Variants in EGFLAM observed in about 807,000 individuals in gnomAD.
The protein encoded by EGFLAM is pikachurin.
In EGFLAM, 79 loss-of-function variants were observed where a neutral mutation model predicts 113.1. That is an observed-to-expected ratio of 0.70 (90% CI 0.58 to 0.84). The LOEUF (loss-of-function observed/expected upper bound fraction) is 0.84, where lower values mean the gene tolerates loss of function less well. Ranked by LOEUF, EGFLAM falls within the 40% of genes least tolerant of loss-of-function variation. The pLI, the probability that EGFLAM is intolerant of heterozygous loss-of-function variation, is 0.00. For synonymous variants in EGFLAM, 504 were observed against 487.6 expected, an observed-to-expected ratio of 1.03 and a Z score of -0.44; for missense variants, 1,265 against 1,291.6, an observed-to-expected ratio of 0.98 and a Z score of 0.32.
intron 6 of EGFLAM, among the ~76,000 whole-genome samples, chr5:38,387,757 TG>T (rs1740702750): frequency 1.3e-5 from 2 of 152,386 alleles, no homozygotes; most frequent in South Asian, 4.1e-4. Flanking sequence ...TACTCTTGCT[TG>T]TATTTATTTC....
rs765193662 is a variant in EGFLAM at position 38,407,055 on chromosome 5, C to T, written c.1056C>T (p.Cys352=). 2.5e-6 allele frequency: 4 copies of T among 1,614,184 alleles called. No individual in the cohort carries two copies. The East Asian group carries it at 6.7e-5, about 27-fold the overall frequency. ...LFDMPCDETL[C]SADSFCVNDY... is the part of the protein sequence containing the mutation. ...ACATGCCTTGTGATGAAACTCTCTG[C>T]TCTGCTGACAGCTTCTGTGTCAATG... The change falls in exon 8 of 22, where the codon TGC becomes TGT. Residue 352 remains cysteine, a synonymous_variant. Transcript: ENST00000322350.
chr5:38,461,431 C>T (rs968677616), intron 20 of EGFLAM: 1 of 152,006 alleles, frequency 6.6e-6, no homozygotes, highest in Non-Finnish European at 1.5e-5. Flanking sequence ...GGTATATCTT[C>T]ATTTTAGATA....
At position 38,406,866 on chromosome 5, in the gene EGFLAM, A is replaced by G; in HGVS notation, c.867A>G (p.Lys289=). 2 of 1,614,062 alleles carry G rather than the reference A, an allele frequency of 1.2e-6. No individual in the cohort carries two copies. The highest frequency in any genetic ancestry group is 2.2e-5 in the South Asian group (2 of 91,080). ...PLPATKGGNK[K]FLVESKKMSI... The stretch of plus-strand genomic sequence containing the variant: ...CTGCTACCAAAGGAGGGAATAAGAA[A>G]TTTTTGGTGGAAAGCAAGAAGATGT... Residue 289 remains lysine (K), a synonymous_variant, in exon 8 of 22, where the codon AAA becomes AAG. Transcript: ENST00000322350.
At chr5:38,274,208 G>A (rs1466925860) in intron 1 of EGFLAM, among the ~76,000 whole-genome samples, 1 of 152,120 alleles carries the variant, frequency 6.6e-6, no homozygotes, top group African/African-American at 2.4e-5. Flanking sequence ...TTATGGGATA[G>A]CGTCGAAACA....
chr5:38,295,378 C>T (rs1208718376), intron 1 of EGFLAM, among the ~76,000 whole-genome samples: 1 of 152,040 alleles, frequency 6.6e-6, no homozygotes, highest in Non-Finnish European at 1.5e-5. Context: ...AGAGAGAGGT[C>T]GTTTGAATAA....
At chr5:38,432,115 A>G (rs776869094) in intron 15 of EGFLAM, among the ~76,000 whole-genome samples, 1 of 152,200 alleles carries the variant, frequency 6.6e-6, no homozygotes, top group Non-Finnish European at 1.5e-5. Flanking sequence ...CACACAATTT[A>G]TAGTTCCTTA....
At chr5:38,376,545 G>A (rs1211185462) in intron 6 of EGFLAM, among the ~76,000 whole-genome samples, 1 of 152,160 alleles carries the variant, frequency 6.6e-6, no homozygotes, top group Non-Finnish European at 1.5e-5. Context: ...AGCAAAAGCC[G>A]TTTTGCTCTT....
chr5:38,364,021 C>T (rs1579823884), intron 5 of EGFLAM, among the ~76,000 whole-genome samples: 1 of 152,326 alleles, frequency 6.6e-6, no homozygotes. Context: ...AGACTGGCAG[C>T]TGGCTGAAAT....
chr5:38,407,666 A>G, intron 8 of EGFLAM, 139 bp from the exon 9 acceptor site: 1 of 609,276 alleles, frequency 1.6e-6, no homozygotes, highest in South Asian at 2.1e-5. Flanking sequence ...TATAAAAAGT[A>G]TAGAAAAGAA....
intron 1 of EGFLAM, among the ~76,000 whole-genome samples, chr5:38,274,810 C>G (rs1757846989): frequency 6.6e-6 from 1 of 152,174 alleles, no homozygotes; most frequent in Admixed American, 6.5e-5. Flanking sequence ...TCAGAACACT[C>G]TAATACTGTA....
At position 38,408,590 on chromosome 5, in the gene EGFLAM, G is replaced by C. The variant is rs150806589; in HGVS notation, c.1249-414G>C. Among the ~76,000 whole-genome samples, 19 of 152,270 alleles carry C rather than the reference G, an allele frequency of 1.2e-4. No individual in the cohort carries two copies. The East Asian group carries it at 3.1e-3, about 25-fold the overall frequency. ...TTACCATCCTGTTCTCCTGATAGAA[G>C]GAAAGAAGCAAATGTGCATGCCTCC... On this transcript the variant is annotated intron_variant, in intron 9 of 21. Transcript: ENST00000322350.
At chr5:38,296,657 C>T (rs1447146060) in intron 1 of EGFLAM, among the ~76,000 whole-genome samples, 3 of 150,996 alleles carry the variant, frequency 2.0e-5, no homozygotes, top group Non-Finnish European at 4.4e-5. Context: ...TAGTCTGCAC[C>T]CAAATATATT....
chr5:38,323,793 A>G (rs1208599221), intron 1 of EGFLAM, among the ~76,000 whole-genome samples: 1 of 152,128 alleles, frequency 6.6e-6, no homozygotes, highest in Non-Finnish European at 1.5e-5. Flanking sequence ...TCATGTCTGT[A>G]ATCGTAGCAC....
chr5:38,260,480 TA>T (rs1757473114), intron 1 of EGFLAM, among the ~76,000 whole-genome samples: 1 of 152,228 alleles, frequency 6.6e-6, no homozygotes, highest in Non-Finnish European at 1.5e-5. Flanking sequence ...GTTCTTCTCC[TA>T]AAAAGATTTT....
At chr5:38,318,882 T>C (rs1738670570) in intron 1 of EGFLAM, among the ~76,000 whole-genome samples, 1 of 152,044 alleles carries the variant, frequency 6.6e-6, no homozygotes, top group Admixed American at 6.6e-5. Flanking sequence ...AAGCCACTCA[T>C]CTAGCAGTGA....
At chr5:38,341,570 A>C (rs1208026418) in intron 3 of EGFLAM, among the ~76,000 whole-genome samples, 1 of 152,244 alleles carries the variant, frequency 6.6e-6, no homozygotes, top group Non-Finnish European at 1.5e-5. Context: ...AGTTGTTTGG[A>C]TATAACTACT....
chr5:38,428,092 A>G (rs1742075787), intron 14 of EGFLAM, among the ~76,000 whole-genome samples: 1 of 152,152 alleles, frequency 6.6e-6, no homozygotes, highest in Non-Finnish European at 1.5e-5. Context: ...TTGTTCCTAC[A>G]TTTGTCTAAT....
Position 38,438,349 on chromosome 5 carries a change from C to A in EGFLAM, c.2358C>A (p.His786Gln). The change falls in exon 17 of 22, where the codon CAC (histidine) becomes CAA (glutamine). Residue 786 changes from histidine to glutamine, a missense_variant. Coordinates refer to ENST00000322350, the MANE Select transcript of EGFLAM (RefSeq NM_152403.4). ...GAGTGAATGTGGAGAATGCGGCCCA[C>A]CCCTGTGTGAGAGCCCCTTGTGCCC... ...TSGVNVENAA[H>Q]PCVRAPCAHG... is the part of the protein sequence containing the mutation. 6.2e-7 allele frequency: 1 copy of A among 1,614,146 alleles called. No individual in the cohort carries two copies. The highest frequency in any genetic ancestry group is 1.3e-5 in the African/African-American group (1 of 75,068).
chr5:38,457,621 G>T (rs528069477), intron 19 of EGFLAM, among the ~76,000 whole-genome samples: 36 of 152,252 alleles, frequency 2.4e-4, no homozygotes, highest in Non-Finnish European at 5.3e-4. Flanking sequence ...TAATGAATCT[G>T]CAAAGACCCT....
Sources: gnomAD v4.1 joint callset for allele counts (sites outside exome capture counted in the v4.1 genomes callset) on GRCh38, gnomAD v4.1.1 for gene constraint, MANE v1.5 for transcripts, NCBI Gene and HGNC (gene_info 2026-07-23, HGNC 2026-07-21) for gene names.